The following OR9Q1 variants were observed in gnomAD, a reference collection of about 807,000 sequenced individuals.
OR9Q1 encodes olfactory receptor 9Q1.
For synonymous variants in OR9Q1, 153 were observed against 148.6 expected, an observed-to-expected ratio of 1.03 and a Z score of -0.22; for missense variants, 374 against 378.8, an observed-to-expected ratio of 0.99 and a Z score of 0.11.
intron 1 of OR9Q1, among the ~76,000 whole-genome samples, chr11:58,037,689 ATTTTTTTTTT>A (rs554392577): frequency 1.1e-3 from 8 of 6,992 alleles, no homozygotes; most frequent in African/African-American, 2.2e-3. Context: ...ATATATATAT[ATTTTTTTTTT>A]TTTTTTTTTT....
At position 58,064,129 on chromosome 11, in the gene OR9Q1, G is replaced by C. The variant is rs113502310; in HGVS notation, c.-15+8182G>C. ...CCTAAGTTTGCCAAATTTTTATTTTGCCACAAAAAGTTAGTGATAAAACCA... is the reference window on the plus strand; with the variant it reads ...CCTAAGTTTGCCAAATTTTTATTTTCCCACAAAAAGTTAGTGATAAAACCA... On this transcript the variant is annotated intron_variant, in intron 2 of 2. Coordinates refer to ENST00000335397, the MANE Select transcript of OR9Q1 (RefSeq NM_001005212.4). Among the ~76,000 whole-genome samples the C allele has an allele frequency of 3.5e-4, 54 of 152,184 alleles. 1 individual carries two copies. Among genetic ancestry groups the C allele is most frequent in the African/African-American group, 1.0e-3 (43 of 41,524 alleles).
Position 58,180,364 on chromosome 11 carries a change from C to G in OR9Q1, c.920C>G (p.Ala307Gly). The G allele has an allele frequency of 6.3e-7, 1 of 1,584,086 alleles. No individual in the cohort carries two copies. Among genetic ancestry groups the G allele is most frequent in the East Asian group, 2.2e-5 (1 of 44,486 alleles). The part of the protein sequence containing the change: ...KEALRKILNR[A>G]KLS Reference sequence around the variant, plus strand: ...GCCCTGAGAAAAATTCTCAATAGAGCCAAGTTGTCCTAACCATCTCCAAAC... The same window carrying G: ...GCCCTGAGAAAAATTCTCAATAGAGGCAAGTTGTCCTAACCATCTCCAAAC... Residue 307 changes from alanine (A) to glycine (G), a missense_variant, in exon 3 of 3, where the codon GCC becomes GGC. Physicochemically the swap from Ala to Gly is moderately conservative, Grantham distance 60 (BLOSUM62 0). Transcript: ENST00000335397.
chr11:58,036,560 G>T (rs1853102599), intron 1 of OR9Q1, among the ~76,000 whole-genome samples: 1 of 152,214 alleles, frequency 6.6e-6, no homozygotes, highest in Non-Finnish European at 1.5e-5. Flanking sequence ...CTTCTGGAAA[G>T]GATTGATCAT....
At chr11:58,109,586 G>T in intron 2 of OR9Q1, 3 of 457,330 alleles carry the variant, frequency 6.6e-6, no homozygotes, top group Non-Finnish European at 1.3e-5. Context: ...AGGAAGAGTG[G>T]AACTGCCAGT....
At chr11:58,030,978 C>T (rs746416772) in intron 1 of OR9Q1, 3 of 1,613,662 alleles carry the variant, frequency 1.9e-6, no homozygotes, top group Non-Finnish European at 2.5e-6. Flanking sequence ...AAAAACTGGA[C>T]CCAGGTAACT....
chr11:58,053,194 A>C (rs918512419), intron 1 of OR9Q1, among the ~76,000 whole-genome samples: 8 of 151,658 alleles, frequency 5.3e-5, no homozygotes, highest in African/African-American at 7.3e-5. Flanking sequence ...ACTTGGAACC[A>C]ACCCAAATGT....
intron 2 of OR9Q1, among the ~76,000 whole-genome samples, chr11:58,098,620 C>G (rs1400536749): frequency 1.3e-5 from 2 of 151,998 alleles, no homozygotes; most frequent in Admixed American, 1.3e-4. Flanking sequence ...GGCGACAGAG[C>G]GAGACTCCGT....
At chr11:58,053,880 C>A (rs929644160) in intron 1 of OR9Q1, among the ~76,000 whole-genome samples, 4 of 151,872 alleles carry the variant, frequency 2.6e-5, no homozygotes, top group Non-Finnish European at 5.9e-5. Flanking sequence ...CCCATCCCAA[C>A]CACCAGTTCT....
chr11:58,081,830 G>A (rs116595106), intron 2 of OR9Q1, among the ~76,000 whole-genome samples: 1,249 of 118,434 alleles, frequency 0.011, 16 homozygotes, highest in African/African-American at 0.035. Context: ...TGACTTTATT[G>A]ATCTAAATAA....
chr11:58,045,498 T>C (rs1853207674), intron 1 of OR9Q1, among the ~76,000 whole-genome samples: 1 of 152,294 alleles, frequency 6.6e-6, no homozygotes, highest in East Asian at 1.9e-4. Flanking sequence ...CCTCCAAAAG[T>C]GCTGAGATCA....
At chr11:58,120,036 A>G (rs1854011931) in intron 2 of OR9Q1, among the ~76,000 whole-genome samples, 1 of 152,206 alleles carries the variant, frequency 6.6e-6, no homozygotes, top group African/African-American at 2.4e-5. Flanking sequence ...CCGTCTTACT[A>G]TATAATTATT....
At chr11:58,046,401 G>A (rs1020424173) in intron 1 of OR9Q1, among the ~76,000 whole-genome samples, 5 of 152,154 alleles carry the variant, frequency 3.3e-5, no homozygotes, top group South Asian at 2.1e-4. Context: ...GAGATAGAAC[G>A]TATTATAGAA....
chr11:58,154,551 A>G (rs1854387479), intron 2 of OR9Q1, among the ~76,000 whole-genome samples: 2 of 152,264 alleles, frequency 1.3e-5, no homozygotes, highest in East Asian at 1.9e-4. Flanking sequence ...CAGTGGGGTG[A>G]CTATAGTTAA....
intron 2 of OR9Q1, among the ~76,000 whole-genome samples, chr11:58,174,175 G>C (rs1487816785): frequency 6.6e-6 from 1 of 152,104 alleles, no homozygotes; most frequent in Non-Finnish European, 1.5e-5. Flanking sequence ...TTGTCTTGTG[G>C]GACATGAGTA....
chr11:58,071,880 G>A (rs1853491344), intron 2 of OR9Q1, among the ~76,000 whole-genome samples: 1 of 152,168 alleles, frequency 6.6e-6, no homozygotes, highest in Non-Finnish European at 1.5e-5. Flanking sequence ...TGGCAGAGAT[G>A]TTTAAAATGT....
intron 2 of OR9Q1, among the ~76,000 whole-genome samples, chr11:58,087,127 T>C (rs1853641137): frequency 6.6e-6 from 1 of 151,754 alleles, no homozygotes; most frequent in South Asian, 2.1e-4. Flanking sequence ...AATATATAAA[T>C]TATTGTTAAT....
chr11:58,118,705 G>A (rs763208748), intron 2 of OR9Q1: 13 of 1,613,968 alleles, frequency 8.1e-6, no homozygotes, highest in African/African-American at 1.3e-5. Flanking sequence ...AAGGGCCACA[G>A]CAGTGATGTG....
intron 1 of OR9Q1, chr11:58,031,246 T>G: frequency 6.2e-7 from 1 of 1,614,224 alleles, no homozygotes; most frequent in South Asian, 1.1e-5. Flanking sequence ...ATATCTCTTA[T>G]GCTGATTGCC....
At chr11:58,133,691 C>CATAGGGAAAAA (rs1250445762) in intron 2 of OR9Q1, among the ~76,000 whole-genome samples, 1 of 152,146 alleles carries the variant, frequency 6.6e-6, no homozygotes, top group Non-Finnish European at 1.5e-5. Flanking sequence ...TAATTAGTTA[C>CATAGGGAAAAA]ATTGAGAAAG....
Sources: allele counts gnomAD v4.1 joint callset (sites outside exome capture counted in the v4.1 genomes callset), GRCh38; gene constraint gnomAD v4.1.1; transcripts MANE v1.5; gene names NCBI Gene and HGNC (gene_info 2026-07-23, HGNC 2026-07-21).